VAPB: variants seen among roughly 807,000 people sequenced by gnomAD.
VAPB encodes vesicle-associated membrane protein-associated protein B/C.
VAPB carries 7 observed loss-of-function variants against 25.6 expected under a neutral mutation model. The ratio of observed to expected loss-of-function variants is 0.27; its 90% CI spans 0.16 to 0.51. The LOEUF (loss-of-function observed/expected upper bound fraction) is 0.51. Ranked by LOEUF, VAPB falls within the 20% of genes least tolerant of loss-of-function variation. VAPB has a pLI of 0.97. For missense variants in VAPB, 266 were observed against 301.3 expected (o/e 0.88, Z 0.87); for synonymous variants, 112 against 109.2 (o/e 1.03, Z -0.16).
intron 4 of VAPB, 78 bp from the exon 5 acceptor site, chr20:58,440,829 A>G: frequency 7.1e-7 from 1 of 1,403,298 alleles, no homozygotes; most frequent in East Asian, 2.4e-5. Flanking sequence ...GTGTTTGCTG[A>G]GAACTACTTT....
intron 2 of VAPB, among the ~76,000 whole-genome samples, chr20:58,419,720 G>A (rs932955187): frequency 1.3e-5 from 2 of 152,140 alleles, no homozygotes; most frequent in African/African-American, 4.8e-5. Context: ...CTCTGGATAT[G>A]TATGGTTTAA....
In VAPB at chr20:58,448,512, G is replaced by A. The variant is rs1300519435; in HGVS notation, c.*4277G>A. Reference sequence around the variant, plus strand: ...TCTGTTTGCATACGAAGAAATAAAGGCTCCAGGAGGTTAAATCGGGCAACT... The same window carrying A: ...TCTGTTTGCATACGAAGAAATAAAGACTCCAGGAGGTTAAATCGGGCAACT... On this transcript the variant is annotated 3_prime_UTR_variant, in exon 6 of 6. Transcript: ENST00000475243. The A allele has an allele frequency of 1.1e-5, 5 of 453,940 alleles. No individual in the cohort carries two copies. Among genetic ancestry groups the A allele is most frequent in the South Asian group, 3.1e-5 (2 of 64,476 alleles). The allele number at this position is 453,940 out of a possible 1,614,324, so 28.1% of individuals were successfully genotyped here.
intron 2 of VAPB, among the ~76,000 whole-genome samples, chr20:58,422,404 G>A (rs1030545787): frequency 1.3e-5 from 2 of 152,106 alleles, no homozygotes; most frequent in African/African-American, 2.4e-5. Context: ...AAGGGAGGTT[G>A]GAATTTTTTC....
In VAPB at chr20:58,449,482, CTGT is replaced by C. The variant is rs1989383050; in HGVS notation, c.*5248_*5250del. 8.9e-6 allele frequency: 4 copies of C among 450,358 alleles called. No individual in the cohort carries two copies. The highest frequency in any genetic ancestry group is 4.0e-5 in the African/African-American group (2 of 49,596). The allele number at this position is 450,358 out of a possible 1,614,324, so 27.9% of individuals were successfully genotyped here. On this transcript the variant is annotated 3_prime_UTR_variant, in exon 6 of 6. Transcript: ENST00000475243. ...ATGGAATTAGTTTATTAGAAAATGTCTGTGTTAAATCCGTAGAAAAGGAAGAAA... is the reference window on the plus strand; with the variant it reads ...ATGGAATTAGTTTATTAGAAAATGTCGTTAAATCCGTAGAAAAGGAAGAAA...
chr20:58,400,242 G>T (rs1249212878), intron 1 of VAPB, among the ~76,000 whole-genome samples: 2 of 152,082 alleles, frequency 1.3e-5, no homozygotes, highest in African/African-American at 4.8e-5. Context: ...ATGTAAGGAG[G>T]CTTGAACTCA....
chr20:58,444,646 G>A lies in VAPB; in HGVS notation c.*411G>A, dbSNP rs1240319171. The A allele has an allele frequency of 1.8e-5, 8 of 454,648 alleles. No individual in the cohort carries two copies. The highest frequency in any genetic ancestry group is 4.0e-5 in the African/African-American group (2 of 50,010). The allele number at this position is 454,648 out of a possible 1,614,324, so 28.2% of individuals were successfully genotyped here. ...TGGAGCCCAGCATGCTGGGGAGTGCGGTCAGCTCCACACAGTAGTCCCCAC... is the reference window on the plus strand; with the variant it reads ...TGGAGCCCAGCATGCTGGGGAGTGCAGTCAGCTCCACACAGTAGTCCCCAC... On this transcript the variant is annotated 3_prime_UTR_variant, in exon 6 of 6. Transcript: ENST00000475243.
intron 1 of VAPB, among the ~76,000 whole-genome samples, chr20:58,397,361 A>T (rs1234193560): frequency 6.6e-6 from 1 of 152,058 alleles, no homozygotes; most frequent in African/African-American, 2.4e-5. Flanking sequence ...CTCTACTAAA[A>T]ATACAAAATT....
chr20:58,450,200 G>C lies in VAPB; in HGVS notation c.*5965G>C, dbSNP rs1989409851. The C allele has an allele frequency of 2.2e-6, 1 of 453,572 alleles. No individual in the cohort carries two copies. The highest frequency in any genetic ancestry group is 2.0e-5 in the African/African-American group (1 of 49,880). 28.1% of individuals were successfully genotyped at this position (453,572 alleles called of 1,614,324 possible). On this transcript the variant is annotated 3_prime_UTR_variant, in exon 6 of 6. Coordinates refer to ENST00000475243, the MANE Select transcript of VAPB (RefSeq NM_004738.5). ...ACTGAATTCAGCTGTTAATCCTCTA[G>C]TACAGTATCCATGTTAAAATGTTTT...
rs1989287739 is a variant in VAPB, at chr20:58,446,135, G to A, written c.*1900G>A. The A allele has an allele frequency of 2.2e-6, 1 of 454,058 alleles. No homozygotes were observed. The highest frequency in any genetic ancestry group is 4.4e-6 in the Non-Finnish European group (1 of 226,780). The allele number at this position is 454,058 out of a possible 1,614,324, so 28.1% of individuals were successfully genotyped here. On this transcript the variant is annotated 3_prime_UTR_variant, in exon 6 of 6. Transcript: ENST00000475243. ...GTGAACAGACTTAGTTGTTACCCAG[G>A]CACCCATGGATTGTGTTGAGTGTGC...
intron 1 of VAPB, among the ~76,000 whole-genome samples, chr20:58,409,900 C>CAT (rs10567777): frequency 0.12 from 16,489 of 135,406 alleles, 967 homozygotes; most frequent in Middle Eastern, 0.19. Context: ...AATCTTTATT[C>CAT]ATATACACAC....
intron 2 of VAPB, among the ~76,000 whole-genome samples, chr20:58,429,279 C>T (rs1988875702): frequency 6.6e-6 from 1 of 152,198 alleles, no homozygotes; most frequent in African/African-American, 2.4e-5. Context: ...AGTTTCCATT[C>T]ACCAATGCAT....
At chr20:58,390,962 A>G (rs1232924622) in intron 1 of VAPB, among the ~76,000 whole-genome samples, 1 of 152,212 alleles carries the variant, frequency 6.6e-6, no homozygotes, top group African/African-American at 2.4e-5. Context: ...TTAAAATGAA[A>G]AAACCGAAAA....
Position 58,447,295 on chromosome 20 carries a change from G to T in VAPB, c.*3060G>T. ...AAGACAGCAGGCTTTTTTATTTGTA[G>T]GTGTGAGGAACTGGCTTTAACTTTT... is the stretch of plus-strand genomic sequence containing the variant. On this transcript the variant is annotated 3_prime_UTR_variant, in exon 6 of 6. Coordinates refer to ENST00000475243, the MANE Select transcript of VAPB (RefSeq NM_004738.5). 1 of 454,092 alleles carries T rather than the reference G, an allele frequency of 2.2e-6. No individual in the cohort carries two copies. The allele number at this position is 454,092 out of a possible 1,614,324, so 28.1% of individuals were successfully genotyped here.
In VAPB at chr20:58,448,209, C is replaced by T. The variant is rs1466566383; in HGVS notation, c.*3974C>T. On this transcript the variant is annotated 3_prime_UTR_variant, in exon 6 of 6. Coordinates refer to ENST00000475243, the MANE Select transcript of VAPB (RefSeq NM_004738.5). Reference sequence around the variant, plus strand: ...AGTATATAGATGGATGACTCTAGTTCATGACATACAAATCCCATAAGGCCA... The same window carrying T: ...AGTATATAGATGGATGACTCTAGTTTATGACATACAAATCCCATAAGGCCA... 2.2e-6 allele frequency: 1 copy of T among 453,914 alleles called. No homozygotes were observed. The highest frequency in any genetic ancestry group is 4.4e-6 in the Non-Finnish European group (1 of 226,790). The allele number at this position is 453,914 out of a possible 1,614,324, so 28.1% of individuals were successfully genotyped here. A position where few individuals can be genotyped will look rare whatever the true frequency, so the allele number is the denominator to read the frequency against.
At chr20:58,391,234 A>G (rs1987787867) in intron 1 of VAPB, among the ~76,000 whole-genome samples, 1 of 152,202 alleles carries the variant, frequency 6.6e-6, no homozygotes, top group South Asian at 2.1e-4. Context: ...TCAGATACCC[A>G]GAGAAGCCAA....
Position 58,397,845 on chromosome 20 carries a change from G to C in VAPB, c.58+8328G>C, listed in dbSNP as rs1988000254. Among the ~76,000 whole-genome samples the C allele has an allele frequency of 3.9e-5, 6 of 152,212 alleles. No individual in the cohort carries two copies. The South Asian group carries it at 1.2e-3, about 32-fold the overall frequency. ...AGACTTGTCTCAATTGTTCAAAGAGGTAAACTTAAGGTGATTAAAAAGTGC... is the reference window on the plus strand; with the variant it reads ...AGACTTGTCTCAATTGTTCAAAGAGCTAAACTTAAGGTGATTAAAAAGTGC... On this transcript the variant is annotated intron_variant, in intron 1 of 5. Coordinates refer to ENST00000475243, the MANE Select transcript of VAPB (RefSeq NM_004738.5).
intron 1 of VAPB, among the ~76,000 whole-genome samples, chr20:58,398,884 CTG>C (rs1988027317): frequency 1.3e-5 from 2 of 150,190 alleles, no homozygotes; most frequent in South Asian, 4.2e-4. Context: ...GTCATGCTGG[CTG>C]TGTTTCTTCC....
At chr20:58,390,762 T>C (rs534475772) in intron 1 of VAPB, among the ~76,000 whole-genome samples, 40 of 152,290 alleles carry the variant, frequency 2.6e-4, no homozygotes, top group African/African-American at 9.6e-4. Context: ...TGGGAAGTAG[T>C]GTAGGGTAAC....
In VAPB at chr20:58,418,315, A is replaced by C. The variant is rs150761013; in HGVS notation, c.163A>C (p.Arg55=). Residue 55 remains arginine (R), a synonymous_variant, in exon 2 of 6, where the codon AGG becomes CGG. Coordinates refer to ENST00000475243, the MANE Select transcript of VAPB (RefSeq NM_004738.5). ...KTTAPRRYCV[R]PNSGIIDAGA... The stretch of plus-strand genomic sequence containing the variant: ...TACAGCACCACGTAGGTACTGTGTG[A>C]GGCCCAACAGCGGAATCATCGATGC... 6.2e-6 allele frequency: 10 copies of C among 1,614,074 alleles called. No homozygotes were observed. The highest frequency in any genetic ancestry group is 7.6e-6 in the Non-Finnish European group (9 of 1,180,052).
Sources: gnomAD v4.1 joint callset for allele counts (sites outside exome capture counted in the v4.1 genomes callset) on GRCh38, gnomAD v4.1.1 for gene constraint, MANE v1.5 for transcripts, NCBI Gene and HGNC (gene_info 2026-07-23, HGNC 2026-07-21) for gene names.